The following BLTP1 variants were observed in gnomAD, a reference collection of about 807,000 sequenced individuals.
The protein encoded by BLTP1 is fragile site-associated protein.
At chr4:122,298,948 T>C in the BLTP1 span, 2 of 985,092 alleles carry the variant, frequency 2.0e-6, no homozygotes, top group African/African-American at 3.5e-5. Context: ...GAGGAGTGTG[T>C]TGGAGAAATG....
the BLTP1 span, chr4:122,317,012 C>T: frequency 3.9e-6 from 2 of 507,388 alleles, no homozygotes; most frequent in Non-Finnish European, 6.7e-6. Flanking sequence ...ATAATTTGGT[C>T]AAGATTATAC....
At chr4:122,240,459 G>A in the BLTP1 span, 1 of 932,408 alleles carries the variant, frequency 1.1e-6, no homozygotes, top group Non-Finnish European at 1.6e-6. Context: ...ACCTTTCTGA[G>A]AGAGAGACTT....
At chr4:122,227,405 T>C in the BLTP1 span, 1 of 984,982 alleles carries the variant, frequency 1.0e-6, no homozygotes, top group Admixed American at 6.1e-5. Flanking sequence ...TGCCATAGTA[T>C]TATTGTGCAA....
the BLTP1 span, chr4:122,257,618 A>G: frequency 3.6e-6 from 3 of 844,330 alleles, no homozygotes; most frequent in Non-Finnish European, 5.7e-6. Context: ...CAGTAAGTTA[A>G]TATACCTCTT....
At chr4:122,162,723 TAAC>T in the BLTP1 span, 11 of 878,524 alleles carry the variant, frequency 1.3e-5, no homozygotes, top group Admixed American at 7.8e-5. Flanking sequence ...AATGGGGTTA[TAAC>T]AACAACAACA....
the BLTP1 span, chr4:122,271,645 T>C: frequency 6.2e-7 from 1 of 1,611,790 alleles, no homozygotes. Flanking sequence ...AGAATATGTA[T>C]AAATTGCTTA....
the BLTP1 span, chr4:122,302,174 A>C: frequency 2.7e-5 from 14 of 522,424 alleles, no homozygotes; most frequent in Non-Finnish European, 3.4e-5. Context: ...AATGTATTCA[A>C]TCCATTGAAT....
the BLTP1 span, chr4:122,307,437 T>A: frequency 1.0e-6 from 1 of 982,608 alleles, no homozygotes; most frequent in Non-Finnish European, 1.2e-6. Flanking sequence ...TATGTCCTTT[T>A]TAGAGGCCCC....
chr4:122,269,429 T>TTGGTC, the BLTP1 span: 3 of 985,174 alleles, frequency 3.0e-6, no homozygotes, highest in Non-Finnish European at 3.6e-6. Context: ...TTCATTGCGT[T>TTGGTC]TGGTCTAGCT....
At chr4:122,154,254 C>A in the BLTP1 span, 1 of 906,078 alleles carries the variant, frequency 1.1e-6, no homozygotes, top group African/African-American at 2.0e-5. Context: ...TGGCTCACTG[C>A]AAGCTCCACC....
chr4:122,289,247 G>A, the BLTP1 span: 50 of 1,224,152 alleles, frequency 4.1e-5, no homozygotes, highest in Admixed American at 1.1e-4. Flanking sequence ...CTCATTGAGC[G>A]TGTGATATCC....
chr4:122,254,071 G>C, the BLTP1 span: 1 of 825,128 alleles, frequency 1.2e-6, no homozygotes, highest in East Asian at 2.6e-5. Context: ...AAACCTGAAG[G>C]AGAAGTAAAG....
chr4:122,357,440 G>A, the BLTP1 span, among the ~76,000 whole-genome samples: 2 of 151,942 alleles, frequency 1.3e-5, no homozygotes, highest in African/African-American at 2.4e-5. Context: ...GCACATACCT[G>A]TAGTCCCCAG....
the BLTP1 span, chr4:122,222,796 T>C: frequency 6.2e-6 from 1 of 161,214 alleles, no homozygotes; most frequent in Non-Finnish European, 1.3e-5. Flanking sequence ...GCAAAAATCC[T>C]GTTTTCAAAA....
the BLTP1 span, among the ~76,000 whole-genome samples, chr4:122,291,357 T>C: frequency 1.3e-5 from 2 of 152,220 alleles, no homozygotes; most frequent in Non-Finnish European, 2.9e-5. Flanking sequence ...AACAGAATAT[T>C]GAGAGGGAAT....
At chr4:122,325,956 A>G in the BLTP1 span, 3 of 554,670 alleles carry the variant, frequency 5.4e-6, no homozygotes, top group African/African-American at 2.0e-5. Flanking sequence ...CTTTAAAACT[A>G]ATCAACCACA....
At chr4:122,288,693 A>AAATCAATCAATC in the BLTP1 span, 1 of 255,416 alleles carries the variant, frequency 3.9e-6, no homozygotes, top group African/African-American at 2.8e-5. Context: ...ATAAATAAAT[A>AAATCAATCAATC]AATCTATTTT....
At chr4:122,170,980 G>C in the BLTP1 span, among the ~76,000 whole-genome samples, 3 of 152,250 alleles carry the variant, frequency 2.0e-5, no homozygotes, top group East Asian at 1.9e-4. Flanking sequence ...AAGAGAAGAA[G>C]AACACTGCAC....
chr4:122,208,494 G>A, the BLTP1 span: 1 of 953,000 alleles, frequency 1.0e-6, no homozygotes, highest in Non-Finnish European at 1.2e-6. Context: ...GAAGAAATGA[G>A]ACTTACTAGA....
Sources: gnomAD v4.1 joint callset for allele counts (sites outside exome capture counted in the v4.1 genomes callset) on GRCh38, gnomAD v4.1.1 for gene constraint, MANE v1.5 for transcripts, NCBI Gene and HGNC (gene_info 2026-07-23, HGNC 2026-07-21) for gene names.